The following TMEM117 variants were observed in gnomAD, a reference collection of about 807,000 sequenced individuals.
The protein encoded by TMEM117 is transmembrane protein 117.
In TMEM117, 27 loss-of-function variants were observed where a neutral mutation model predicts 52.4. The observed-to-expected ratio is 0.51, with a 90% CI of 0.38 to 0.71. The LOEUF (loss-of-function observed/expected upper bound fraction) is 0.71. Among genes scored for constraint, TMEM117 ranks in the 30% least tolerant of loss-of-function variants. The pLI is 0.00. For missense variants in TMEM117, 556 were observed against 630.5 expected (o/e 0.88, Z 1.26); for synonymous variants, 215 against 206.3 (o/e 1.04, Z -0.36).
chr12:44,351,727 T>C (rs1951564726), intron 6 of TMEM117, among the ~76,000 whole-genome samples: 1 of 152,020 alleles, frequency 6.6e-6, no homozygotes, highest in African/African-American at 2.4e-5. Flanking sequence ...AAAATTTCAT[T>C]ACATTTTGCT....
At position 44,239,753 on chromosome 12, in the gene TMEM117, A is replaced by G. The variant is rs142406256; in HGVS notation, c.608+28366A>G. The stretch of plus-strand genomic sequence containing the variant: ...TATATGCCAGATATTTAATATCACA[A>G]AATATAGTCATATGCCCACATGCAC... On this transcript the variant is annotated intron_variant, in intron 5 of 7. Coordinates refer to ENST00000266534, the MANE Select transcript of TMEM117 (RefSeq NM_032256.3). 2.3e-3 allele frequency among the ~76,000 whole-genome samples: 355 copies of G among 152,230 alleles called. 11 individuals are homozygous for G. In the East Asian group the frequency reaches 0.034, roughly 15 times the overall value.
At chr12:44,145,537 T>C (rs528848738) in intron 4 of TMEM117, among the ~76,000 whole-genome samples, 1 of 152,352 alleles carries the variant, frequency 6.6e-6, no homozygotes, top group Non-Finnish European at 1.5e-5. Flanking sequence ...CTTAAAATGC[T>C]AACGTATAAG....
At chr12:43,843,397 G>A (rs76374722) in intron 1 of TMEM117, among the ~76,000 whole-genome samples, 2,313 of 152,330 alleles carry the variant, frequency 0.015, 66 homozygotes, top group African/African-American at 0.051. Context: ...AGCCCTGGTG[G>A]ACCCAGACAG....
intron 3 of TMEM117, among the ~76,000 whole-genome samples, chr12:43,988,626 G>T (rs1322988752): frequency 1.3e-5 from 2 of 152,006 alleles, no homozygotes; most frequent in Non-Finnish European, 2.9e-5. Context: ...GTGATAGGTT[G>T]GGGTGTGTCA....
chr12:43,904,535 C>A (rs1039904939), intron 2 of TMEM117, among the ~76,000 whole-genome samples: 2 of 152,110 alleles, frequency 1.3e-5, no homozygotes, highest in African/African-American at 2.4e-5. Flanking sequence ...TCTTTTGGAA[C>A]AAGAATTCTG....
intron 3 of TMEM117, among the ~76,000 whole-genome samples, chr12:44,073,989 A>G (rs945613720): frequency 6.6e-6 from 1 of 152,212 alleles, no homozygotes; most frequent in Non-Finnish European, 1.5e-5. Context: ...AAAACTAGTG[A>G]TAGTGATTGT....
chr12:44,327,159 A>G (rs536850313), intron 6 of TMEM117, among the ~76,000 whole-genome samples: 60 of 151,854 alleles, frequency 4.0e-4, no homozygotes, highest in Non-Finnish European at 6.0e-4. Context: ...GAACCTTAAC[A>G]TCTCAAAAAA....
intron 6 of TMEM117, among the ~76,000 whole-genome samples, chr12:44,371,464 A>C (rs560047447): frequency 6.6e-6 from 1 of 152,190 alleles, no homozygotes; most frequent in Admixed American, 6.6e-5. Flanking sequence ...AATCTAATCT[A>C]TCTCTTAATT....
At chr12:44,337,438 A>G (rs1258292697) in intron 6 of TMEM117, among the ~76,000 whole-genome samples, 1 of 151,988 alleles carries the variant, frequency 6.6e-6, no homozygotes, top group East Asian at 1.9e-4. Flanking sequence ...AATTTGGGAG[A>G]CACATTCAGG....
At chr12:44,203,084 C>G (rs1029287159) in intron 4 of TMEM117, among the ~76,000 whole-genome samples, 1 of 148,804 alleles carries the variant, frequency 6.7e-6, no homozygotes, top group Non-Finnish European at 1.5e-5. Flanking sequence ...GGTGAGCCAC[C>G]ACACATGGCC....
intron 3 of TMEM117, among the ~76,000 whole-genome samples, chr12:44,025,407 T>C (rs1024920692): frequency 2.6e-5 from 4 of 152,162 alleles, no homozygotes; most frequent in South Asian, 2.1e-4. Context: ...AATGTGGAAA[T>C]AGAGTTTAAA....
the TMEM117 span, among the ~76,000 whole-genome samples, chr12:43,812,397 A>G: frequency 3.3e-5 from 5 of 152,206 alleles, no homozygotes; most frequent in Non-Finnish European, 7.4e-5. Context: ...AATCCACAGA[A>G]GCATGGAGCT....
chr12:44,151,982 T>C (rs935172770), intron 4 of TMEM117, among the ~76,000 whole-genome samples: 67 of 116,566 alleles, frequency 5.7e-4, no homozygotes, highest in Non-Finnish European at 1.0e-3. Context: ...TATATATTTA[T>C]ATATAAACAT....
In TMEM117 at chr12:44,086,675, T is replaced by A. The variant is rs1947572560; in HGVS notation, c.411-56850T>A. 2.6e-5 allele frequency among the ~76,000 whole-genome samples: 4 copies of A among 152,126 alleles called. No individual in the cohort carries two copies. In the South Asian group the frequency reaches 8.3e-4, roughly 31 times the overall value. On this transcript the variant is annotated intron_variant, in intron 3 of 7. Coordinates refer to ENST00000266534, the MANE Select transcript of TMEM117 (RefSeq NM_032256.3). The stretch of plus-strand genomic sequence containing the variant: ...AGTCCCAAGCAAAATTCTATCTGGA[T>A]AGATCAGAGATTCAAATGGTCAAGG...
chr12:43,878,376 C>T (rs185776562), intron 2 of TMEM117, among the ~76,000 whole-genome samples: 27 of 152,186 alleles, frequency 1.8e-4, no homozygotes, highest in African/African-American at 6.5e-4. Context: ...AGAAAGGCTG[C>T]TGAAAATATG....
At chr12:43,818,332 T>A in the TMEM117 span, among the ~76,000 whole-genome samples, 1 of 152,070 alleles carries the variant, frequency 6.6e-6, no homozygotes, top group Non-Finnish European at 1.5e-5. Context: ...TTTAAACACC[T>A]TTTTTTCTAA....
intron 2 of TMEM117, among the ~76,000 whole-genome samples, chr12:43,876,246 G>C (rs1308064315): frequency 1.3e-5 from 2 of 152,118 alleles, no homozygotes; most frequent in Admixed American, 6.6e-5. Context: ...GATTGTTCAG[G>C]TGTGGTGGCA....
intron 5 of TMEM117, among the ~76,000 whole-genome samples, chr12:44,235,080 C>A (rs1275054034): frequency 2.6e-5 from 4 of 151,322 alleles, no homozygotes; most frequent in Admixed American, 6.6e-5. Context: ...TCCATTTTTT[C>A]TTATTATGCT....
At chr12:44,201,568 A>G (rs558842422) in intron 4 of TMEM117, among the ~76,000 whole-genome samples, 1 of 152,310 alleles carries the variant, frequency 6.6e-6, no homozygotes, top group Non-Finnish European at 1.5e-5. Flanking sequence ...TCAAACTATA[A>G]AAAGTATACT....
Sources: allele counts gnomAD v4.1 joint callset (sites outside exome capture counted in the v4.1 genomes callset), GRCh38; gene constraint gnomAD v4.1.1; transcripts MANE v1.5; gene names NCBI Gene and HGNC (gene_info 2026-07-23, HGNC 2026-07-21).